Variants in AKAP13 observed in about 807,000 individuals in gnomAD.
AKAP13 encodes A-kinase anchor protein 13.
AKAP13 carries 80 observed loss-of-function variants against 264.5 expected under a neutral mutation model. That is an observed-to-expected ratio of 0.30 (90% CI 0.25 to 0.36). AKAP13 has a LOEUF of 0.36. Ranked by LOEUF, AKAP13 falls within the 10% of genes least tolerant of loss-of-function variation. The pLI, the probability that AKAP13 is intolerant of heterozygous loss-of-function variation, is 1.00. For synonymous variants in AKAP13, 1,380 were observed against 1,250.2 expected, an observed-to-expected ratio of 1.10 and a Z score of -2.19; for missense variants, 3,712 against 3,435.2, an observed-to-expected ratio of 1.08 and a Z score of -2.01.
At chr15:85,721,889 G>A in intron 23 of AKAP13, 102 bp from the exon 24 acceptor site, 3 of 1,527,598 alleles carry the variant, frequency 2.0e-6, no homozygotes, top group Non-Finnish European at 2.6e-6. Context: ...GAATTTATGA[G>A]GAAGCGCTCT....
intron 1 of AKAP13, among the ~76,000 whole-genome samples, chr15:85,417,146 T>C (rs925486169): frequency 2.0e-5 from 3 of 152,220 alleles, no homozygotes; most frequent in Admixed American, 6.5e-5. Context: ...TTGCCTTTTA[T>C]TGTTTTCTGA....
At chr15:85,421,147 ATT>A (rs1266310519) in intron 1 of AKAP13, among the ~76,000 whole-genome samples, 3 of 152,252 alleles carry the variant, frequency 2.0e-5, no homozygotes, top group Admixed American at 2.0e-4. Context: ...ACAAGCAACT[ATT>A]TTGTGAAATC....
chr15:85,574,827 T>G (rs1034431310), intron 5 of AKAP13, among the ~76,000 whole-genome samples: 6 of 152,234 alleles, frequency 3.9e-5, no homozygotes, highest in Non-Finnish European at 8.8e-5. Flanking sequence ...TTGCACTTCC[T>G]CATTACTTGG....
intron 35 of AKAP13, among the ~76,000 whole-genome samples, chr15:85,742,105 T>G (rs78464029): frequency 0.015 from 2,220 of 152,290 alleles, 51 homozygotes; most frequent in African/African-American, 0.044. Context: ...GCAGAAAGTC[T>G]TCTTCTGCTT....
rs35886054 is a variant in AKAP13, at chr15:85,507,383, CA to C, written c.34-14031del. The stretch of plus-strand genomic sequence containing the variant: ...TTGTCTATGGCTCCTTTTGTGCTAC[CA>C]AAAAAAAAAAAAACATAAGAAACGA... On this transcript the variant is annotated intron_variant, in intron 2 of 36. Transcript: ENST00000394518. 1.8e-3 allele frequency among the ~76,000 whole-genome samples: 246 copies of C among 137,680 alleles called. 3 individuals carry two copies. The East Asian group carries it at 0.032, about 18-fold the overall frequency. The allele number at this position is 137,680 out of a possible 152,430, so 90.3% of individuals were successfully genotyped here. A position where few individuals can be genotyped will look rare whatever the true frequency, so the allele number is the denominator to read the frequency against.
chr15:85,655,273 C>A, intron 10 of AKAP13, 144 bp from the exon 11 acceptor site: 2 of 915,350 alleles, frequency 2.2e-6, no homozygotes, highest in Non-Finnish European at 3.2e-6. Context: ...TGTGATCATC[C>A]TATTAAAAAA....
chr15:85,524,337 G>GCCCA (rs2076942003), intron 3 of AKAP13, among the ~76,000 whole-genome samples: 1 of 151,712 alleles, frequency 6.6e-6, no homozygotes, highest in African/African-American at 2.4e-5. Context: ...CACCACACTT[G>GCCCA]GCTAAATTTT....
At chr15:85,515,256 A>G (rs1393153973) in intron 2 of AKAP13, among the ~76,000 whole-genome samples, 3 of 139,072 alleles carry the variant, frequency 2.2e-5, no homozygotes, top group Non-Finnish European at 3.1e-5. Context: ...GATAGAACAG[A>G]TATTACATCT....
At position 85,393,842 on chromosome 15, in the gene AKAP13, A is replaced by G. The variant is rs16977799; in HGVS notation, c.-12+13044A>G. 1.5e-4 allele frequency among the ~76,000 whole-genome samples: 23 copies of G among 152,318 alleles called. No individual in the cohort carries two copies. In the East Asian group the frequency reaches 3.7e-3, roughly 24 times the overall value. On this transcript the variant is annotated intron_variant, in intron 1 of 36. Transcript: ENST00000394518. ...TTTCACTTTGATGTAATTATATCCAAAGTAGCTAGTTTAAAATTCCATCTT... is the reference window on the plus strand; with the variant it reads ...TTTCACTTTGATGTAATTATATCCAGAGTAGCTAGTTTAAAATTCCATCTT...
At chr15:85,634,651 A>G (rs1027610033) in intron 8 of AKAP13, among the ~76,000 whole-genome samples, 1 of 152,184 alleles carries the variant, frequency 6.6e-6, no homozygotes, top group African/African-American at 2.4e-5. Flanking sequence ...ACAAATATTT[A>G]AATTGTGTAA....
intron 12 of AKAP13, 144 bp from the exon 13 acceptor site, chr15:85,664,419 T>C: frequency 1.4e-6 from 1 of 727,022 alleles, no homozygotes; most frequent in South Asian, 2.2e-5. Context: ...TAGTATTCTT[T>C]GTGCCATGCC....
chr15:85,605,998 G>A (rs1465056421), intron 8 of AKAP13, among the ~76,000 whole-genome samples: 2 of 150,582 alleles, frequency 1.3e-5, no homozygotes, highest in African/African-American at 4.9e-5. Flanking sequence ...ATGCCCTTTA[G>A]TGCATATCTG....
intron 2 of AKAP13, among the ~76,000 whole-genome samples, chr15:85,520,898 C>T (rs6496040): frequency 2.0e-5 from 3 of 151,996 alleles, no homozygotes; most frequent in South Asian, 4.1e-4. Context: ...AGCCCAAGCT[C>T]GTCTTCTTTG....
intron 8 of AKAP13, among the ~76,000 whole-genome samples, chr15:85,606,909 G>T (rs1325033707): frequency 6.6e-6 from 1 of 152,134 alleles, no homozygotes; most frequent in Non-Finnish European, 1.5e-5. Flanking sequence ...ACCCCAATGG[G>T]TCACACTAGT....
chr15:85,646,105 C>T, intron 10 of AKAP13, 151 bp downstream of exon 10: 2 of 943,854 alleles, frequency 2.1e-6, no homozygotes, highest in Non-Finnish European at 3.1e-6. Context: ...TCCAGCTAGC[C>T]TTGTAGGGCC....
chr15:85,723,338 T>C lies in AKAP13; in HGVS notation c.6745+18T>C, dbSNP rs1328556356. The stretch of plus-strand genomic sequence containing the variant: ...GTTGAAAGGTAAGGCTTGGCTCTTT[T>C]GTCTTAAGTATGTGCCCAGGTAAAA... On this transcript the variant is annotated intron_variant, in intron 26 of 36. Coordinates refer to ENST00000394518, the MANE Select transcript of AKAP13 (RefSeq NM_007200.5). The C allele has an allele frequency of 3.7e-6, 6 of 1,612,746 alleles. No individual in the cohort carries two copies. Among genetic ancestry groups the C allele is most frequent in the Admixed American group, 3.3e-5 (2 of 59,976 alleles).
intron 8 of AKAP13, among the ~76,000 whole-genome samples, chr15:85,609,840 TTC>T (rs1190508249): frequency 2.0e-5 from 3 of 152,222 alleles, no homozygotes; most frequent in African/African-American, 7.2e-5. Flanking sequence ...CTCTTCCATT[TTC>T]TCTGTTTCCT....
In AKAP13 at chr15:85,579,314, T is replaced by C; in HGVS notation, c.1246T>C (p.Ser416Pro). ...TGGAGTAAAGGGCACGGAAGGCCTT[T>C]CGTCCTGTGGAAACAGAAATGAAGA... ...DCGVKGTEGLSSCGNRNEETG... is the reference protein window; with the variant it reads ...DCGVKGTEGLPSCGNRNEETG... The change falls in exon 7 of 37, where the codon TCG (serine) becomes CCG (proline). Residue 416 changes from serine to proline, a missense_variant. Transcript: ENST00000394518. The C allele has an allele frequency of 6.2e-7, 1 of 1,614,246 alleles. No homozygotes were observed. Among genetic ancestry groups the C allele is most frequent in the Non-Finnish European group, 8.5e-7 (1 of 1,180,040 alleles).
At chr15:85,529,592 A>T (rs916726028) in intron 3 of AKAP13, among the ~76,000 whole-genome samples, 3 of 152,186 alleles carry the variant, frequency 2.0e-5, no homozygotes, top group African/African-American at 4.8e-5. Context: ...GTAACTTTTT[A>T]AAAAATGCTG....
Sources: gnomAD v4.1 joint callset for allele counts (sites outside exome capture counted in the v4.1 genomes callset) on GRCh38, gnomAD v4.1.1 for gene constraint, MANE v1.5 for transcripts, NCBI Gene and HGNC (gene_info 2026-07-23, HGNC 2026-07-21) for gene names.